ITGA7: variants seen among roughly 807,000 people sequenced by gnomAD.
The protein encoded by ITGA7 is integrin subunit alpha 7, also known as integrin alpha-7.
ITGA7 carries 84 observed loss-of-function variants against 131.6 expected under a neutral mutation model. The observed-to-expected ratio is 0.64, with a 90% CI of 0.54 to 0.77. The LOEUF (loss-of-function observed/expected upper bound fraction) is 0.77, where lower values mean the gene tolerates loss of function less well. Among genes scored for constraint, ITGA7 ranks in the 30% least tolerant of loss-of-function variants. ITGA7 has a pLI of 0.00. For synonymous variants in ITGA7, 548 were observed against 600.7 expected (o/e 0.91, Z 1.28); for missense variants, 1,399 against 1,482.9 (o/e 0.94, Z 0.93).
Position 55,707,591 on chromosome 12 carries a change from G to C in ITGA7, c.92C>G (p.Ala31Gly), listed in dbSNP as rs756886286. ...CATCACGTCCAGATTGAAGGCGACA[G>C]CCCGTGAGAAGAGCAGTTCGACGAG... ...SLLVELLFSRAVAFNLDVMGA... is the reference protein window; with the variant it reads ...SLLVELLFSRGVAFNLDVMGA... The change falls in exon 1 of 25, where the codon GCT becomes GGT. Residue 31 changes from alanine (A) to glycine (G), a missense_variant. Ala to Gly is a moderately conservative substitution (Grantham distance 60). Coordinates refer to ENST00000257879, the MANE Select transcript of ITGA7 (RefSeq NM_002206.3). 4 of 1,613,700 alleles carry C rather than the reference G, an allele frequency of 2.5e-6. 1 individual carries two copies. In the South Asian group the frequency reaches 4.4e-5, roughly 18 times the overall value.
At chr12:55,708,093 G>A, upstream of ITGA7, 1 of 945,574 alleles carries the variant, frequency 1.1e-6, no homozygotes, top group Non-Finnish European at 1.3e-6. Context: ...CTCCGGCTCC[G>A]CCCCTGCGCG....
rs1872871467 is a variant in ITGA7, at chr12:55,697,398, A to T, written c.1505+53T>A. The T allele has an allele frequency of 5.7e-6, 9 of 1,590,662 alleles. No individual in the cohort carries two copies. In the Admixed American group the frequency reaches 1.5e-4, roughly 27 times the overall value. On this transcript the variant is annotated intron_variant, in intron 10 of 24. Transcript: ENST00000257879. ...CCAAACTGGGGAGATAAAGGATCAA[A>T]GGGAGGGCAGGGGAAGCTGCCAGGG... is the stretch of plus-strand genomic sequence containing the variant.
chr12:55,715,961 G>A, upstream of ITGA7: 1 of 1,423,552 alleles, frequency 7.0e-7, no homozygotes, highest in Non-Finnish European at 9.2e-7. Flanking sequence ...CCTGCCCTCC[G>A]CAACCCTCTA....
In ITGA7 at chr12:55,700,299, G is replaced by T. The variant is rs956476740; in HGVS notation, c.671-310C>A. 3.1e-6 allele frequency: 5 copies of T among 1,609,990 alleles called. No individual in the cohort carries two copies. In the African/African-American group the frequency reaches 6.7e-5, roughly 22 times the overall value. The stretch of plus-strand genomic sequence containing the variant: ...TGGCAGGGACCGGGATGAGGCGGGG[G>T]TCCTGCTCCTTCTCTCCCCCCGCCT... On this transcript the variant is annotated intron_variant, in intron 4 of 24. Transcript: ENST00000257879.
At chr12:55,689,051 C>G in intron 21 of ITGA7, 94 bp from the exon 22 acceptor site, 1 of 915,166 alleles carries the variant, frequency 1.1e-6, no homozygotes, top group Non-Finnish European at 1.8e-6. Flanking sequence ...CTCAAACTCC[C>G]CTCCTCCAGG....
At chr12:55,689,427 G>C (rs1199094651) in intron 21 of ITGA7, among the ~76,000 whole-genome samples, 1 of 152,136 alleles carries the variant, frequency 6.6e-6, no homozygotes, top group Non-Finnish European at 1.5e-5. Flanking sequence ...GTCCATATTC[G>C]GCAAAGCCAC....
At chr12:55,700,035 G>T (rs1189011246) in intron 4 of ITGA7, 46 bp from the exon 5 acceptor site, 1 of 1,608,086 alleles carries the variant, frequency 6.2e-7, no homozygotes, top group Non-Finnish European at 8.5e-7. Flanking sequence ...ATCCAGAGTA[G>T]GGGCCACAGA....
At chr12:55,712,833 C>T (rs543150912), upstream of ITGA7, among the ~76,000 whole-genome samples, 15 of 152,100 alleles carry the variant, frequency 9.9e-5, no homozygotes, top group Admixed American at 6.6e-4. Flanking sequence ...GTCCTCTGCT[C>T]AGCTCTAGGG....
chr12:55,699,398 T>TGAGGGGGAGAC (rs1470441114), intron 5 of ITGA7: 7 of 285,640 alleles, frequency 2.5e-5, no homozygotes, highest in Non-Finnish European at 4.8e-5. Flanking sequence ...TTCACATGGA[T>TGAGGGGGAGAC]GAGGGGGAGA....
chr12:55,700,204 A>C, intron 4 of ITGA7: 5 of 1,550,968 alleles, frequency 3.2e-6, no homozygotes, highest in Non-Finnish European at 4.4e-6. Flanking sequence ...ATGGAGAGAG[A>C]GGACAAGAGA....
chr12:55,702,797 T>A lies in ITGA7; in HGVS notation c.414+75A>T, dbSNP rs1219101366. ...AACTTGTGTTCTCTAAGCACACCTA[T>A]GCGTATGCACACACCATAAACACAC... On this transcript the variant is annotated intron_variant, in intron 3 of 24. Transcript: ENST00000257879. 34 of 1,247,136 alleles carry A rather than the reference T, an allele frequency of 2.7e-5. 1 individual carries two copies. Among genetic ancestry groups the A allele is most frequent in the Non-Finnish European group, 3.3e-5 (28 of 855,572 alleles). The allele number at this position is 1,247,136 out of a possible 1,614,324, so 77.3% of individuals were successfully genotyped here.
upstream of ITGA7, among the ~76,000 whole-genome samples, chr12:55,711,251 G>T (rs1876083559): frequency 6.6e-6 from 1 of 152,102 alleles, no homozygotes; most frequent in Non-Finnish European, 1.5e-5. Context: ...AGGGAGGGAG[G>T]TGGATCACTT....
intron 3 of ITGA7, 50 bp from the exon 4 acceptor site, chr12:55,701,204 G>T: frequency 6.2e-7 from 1 of 1,613,334 alleles, no homozygotes; most frequent in Non-Finnish European, 8.5e-7. Flanking sequence ...CCAGGGACCT[G>T]CTTGAGGCAT....
At chr12:55,703,941 C>G (rs558776733) in intron 1 of ITGA7, among the ~76,000 whole-genome samples, 50 of 152,318 alleles carry the variant, frequency 3.3e-4, no homozygotes, top group African/African-American at 1.2e-3. Flanking sequence ...CTGCCTCCCC[C>G]TCAGCCTCTT....
At chr12:55,687,872 G>A (rs1486212342) in intron 24 of ITGA7, 99 bp downstream of exon 24, 19 of 1,518,296 alleles carry the variant, frequency 1.3e-5, no homozygotes, top group Non-Finnish European at 1.7e-5. Flanking sequence ...CAGATTTGCT[G>A]AATACATGAG....
chr12:55,699,402 G>C (rs1374771465), intron 5 of ITGA7: 1 of 285,178 alleles, frequency 3.5e-6, no homozygotes, highest in African/African-American at 2.2e-5. Flanking sequence ...CATGGATGAG[G>C]GGGAGACAAG....
chr12:55,715,885 A>AT, upstream of ITGA7: 1 of 837,432 alleles, frequency 1.2e-6, no homozygotes, highest in Non-Finnish European at 1.7e-6. Flanking sequence ...GCTTGGCAAT[A>AT]TAAGTATTAG....
rs202232329 is a variant in ITGA7 at position 55,696,444 on chromosome 12, A to G, written c.1738-12T>C. On this transcript the variant is annotated splice_polypyrimidine_tract_variant and intron_variant, in intron 12 of 24. Transcript: ENST00000257879. ...TCTTTGACATTTTCCTAGGAAGAGG[A>G]AGGTCTATTCCTCACTGGAACAATC... is the stretch of plus-strand genomic sequence containing the variant. 6.3e-6 allele frequency: 10 copies of G among 1,591,880 alleles called. No individual in the cohort carries two copies. In the Admixed American group the frequency reaches 1.2e-4, roughly 19 times the overall value.
rs760317663 is a variant in ITGA7 at position 55,703,185 on chromosome 12, G to C, written c.207-7C>G. On this transcript the variant is annotated splice_region_variant and splice_polypyrimidine_tract_variant and intron_variant, in intron 1 of 24. Coordinates refer to ENST00000257879, the MANE Select transcript of ITGA7 (RefSeq NM_002206.3). ...GGGAGCACCCACCAGCAGCCTGCAAGATGGGGCAGGGGCAGGGACAGGGAC... is the reference window on the plus strand; with the variant it reads ...GGGAGCACCCACCAGCAGCCTGCAACATGGGGCAGGGGCAGGGACAGGGAC... 1.2e-6 allele frequency: 2 copies of C among 1,608,308 alleles called. No homozygotes were observed. Among genetic ancestry groups the C allele is most frequent in the South Asian group, 1.1e-5 (1 of 91,002 alleles).
Sources: allele counts gnomAD v4.1 joint callset (sites outside exome capture counted in the v4.1 genomes callset), GRCh38; gene constraint gnomAD v4.1.1; transcripts MANE v1.5; gene names NCBI Gene and HGNC (gene_info 2026-07-23, HGNC 2026-07-21).